The following BICD1 variants were observed in gnomAD, a reference collection of about 807,000 sequenced individuals.
BICD1 encodes the protein protein bicaudal D homolog 1.
In BICD1, 35 loss-of-function variants were observed where a neutral mutation model predicts 92.5. The observed-to-expected ratio is 0.38, with a 90% confidence interval of 0.29 to 0.50. The LOEUF is 0.50. Among genes scored for constraint, BICD1 ranks in the 20% least tolerant of loss-of-function variants. BICD1 has a pLI of 0.93. For missense variants in BICD1, 950 were observed against 1,189.8 expected, an observed-to-expected ratio of 0.80 and a Z score of 2.97; for synonymous variants, 429 against 465.1, an observed-to-expected ratio of 0.92 and a Z score of 1.00.
chr12:32,153,865 A>G (rs1943362142), intron 1 of BICD1, among the ~76,000 whole-genome samples: 1 of 151,510 alleles, frequency 6.6e-6, no homozygotes, highest in Non-Finnish European at 1.5e-5. Context: ...CATCATGTAT[A>G]TATGATGTTT....
At position 32,361,372 on chromosome 12, in the gene BICD1, GT is replaced by G. The variant is rs1565696525; in HGVS notation, c.2765-6297del. ...GGAGTTCGAGACCAGCCTGGCCATG[GT>G]GAAACCCCATCTCCACCAAACATAC... On this transcript the variant is annotated intron_variant, in intron 8 of 9. Transcript: ENST00000652176. Among the ~76,000 whole-genome samples, 21 of 151,968 alleles carry G rather than the reference GT, an allele frequency of 1.4e-4. No homozygotes were observed. The South Asian group carries it at 4.4e-3, about 32-fold the overall frequency.
chr12:32,117,005 G>A (rs1056903241), intron 1 of BICD1, among the ~76,000 whole-genome samples: 10 of 151,882 alleles, frequency 6.6e-5, no homozygotes, highest in South Asian at 2.1e-4. Flanking sequence ...GATATGTTAC[G>A]TTTGTTTTCA....
chr12:32,193,536 G>C (rs1466684666), intron 1 of BICD1, among the ~76,000 whole-genome samples: 2 of 152,094 alleles, frequency 1.3e-5, no homozygotes, highest in Non-Finnish European at 2.9e-5. Flanking sequence ...CTGTATTATA[G>C]CTAATACCAA....
chr12:32,274,756 G>C (rs1947233789), intron 2 of BICD1, among the ~76,000 whole-genome samples: 1 of 152,154 alleles, frequency 6.6e-6, no homozygotes, highest in African/African-American at 2.4e-5. Context: ...AAGTAGCAAA[G>C]CATAGTGGTT....
chr12:32,230,749 G>A (rs1240445519), intron 2 of BICD1, among the ~76,000 whole-genome samples: 1 of 152,190 alleles, frequency 6.6e-6, no homozygotes, highest in Non-Finnish European at 1.5e-5. Flanking sequence ...AGCAAAAGGG[G>A]CATCTGTCTC....
intron 2 of BICD1, among the ~76,000 whole-genome samples, chr12:32,241,125 T>G (rs1946224798): frequency 6.6e-6 from 1 of 152,200 alleles, no homozygotes; most frequent in African/African-American, 2.4e-5. Context: ...ATGCTTTCGA[T>G]GTGTACGTGC....
chr12:32,362,632 T>G (rs1191996466), intron 8 of BICD1, among the ~76,000 whole-genome samples: 1 of 152,170 alleles, frequency 6.6e-6, no homozygotes, highest in East Asian at 1.9e-4. Context: ...ACCCTGATAT[T>G]TTCTAGAGGT....
At position 32,131,515 on chromosome 12, in the gene BICD1, C is replaced by T. The variant is rs552652471; in HGVS notation, c.213+23971C>T. ...AATACTGTGTTCATAAAAAGCCCTC[C>T]TTCACATTTTGTGAAACAGTTGCAT... On this transcript the variant is annotated intron_variant, in intron 1 of 9. Coordinates refer to ENST00000652176, the MANE Select transcript of BICD1 (RefSeq NM_001714.4). Among the ~76,000 whole-genome samples the T allele has an allele frequency of 2.0e-5, 3 of 152,316 alleles. No individual in the cohort carries two copies. In the South Asian group the frequency reaches 6.2e-4, roughly 32 times the overall value.
At position 32,328,125 on chromosome 12, in the gene BICD1, G is replaced by C. The variant is rs1948834750; in HGVS notation, c.1670G>C (p.Gly557Ala). The change falls in exon 5 of 10, where the codon GGA becomes GCA. Residue 557 changes from glycine to alanine, a missense_variant. Physicochemically the swap from Gly to Ala is moderately conservative, Grantham distance 60. This residue lies in a region of BICD1 where 309 missense variants were observed against 499.4 expected (regional missense o/e 0.62). Transcript: ENST00000652176. This position sits in a 1 kb window ranked among gnomAD's most constrained non-coding sequence, Gnocchi z 4.4. ...GSLKGPDDPR[G>A]LLSPRLARRG... ...CTGAAAGGGCCCGATGATCCCAGAG[G>C]ACTTTTGTCCCCACGATTAGCCAGG... The C allele has an allele frequency of 6.2e-7, 1 of 1,613,998 alleles. No homozygotes were observed. Among genetic ancestry groups the C allele is most frequent in the Non-Finnish European group, 8.5e-7 (1 of 1,180,020 alleles).
At chr12:32,128,889 C>T (rs1942436924) in intron 1 of BICD1, among the ~76,000 whole-genome samples, 2 of 152,110 alleles carry the variant, frequency 1.3e-5, no homozygotes, top group Non-Finnish European at 2.9e-5. Flanking sequence ...CCTCCCACAT[C>T]AGCCATACAA....
intron 1 of BICD1, among the ~76,000 whole-genome samples, chr12:32,194,991 T>C (rs1042577026): frequency 1.3e-5 from 2 of 150,430 alleles, no homozygotes; most frequent in African/African-American, 4.9e-5. Flanking sequence ...TGAAAGAAAT[T>C]GAAGGCTGGG....
At chr12:32,131,941 C>T (rs2121304724) in intron 1 of BICD1, among the ~76,000 whole-genome samples, 1 of 152,294 alleles carries the variant, frequency 6.6e-6, no homozygotes, top group East Asian at 1.9e-4. Flanking sequence ...GGAGGAATAA[C>T]AAGACTGGCG....
chr12:32,282,252 A>G (rs1271273936), intron 2 of BICD1, among the ~76,000 whole-genome samples: 1 of 113,634 alleles, frequency 8.8e-6, no homozygotes. Flanking sequence ...ACAGGGTCTC[A>G]CTCTGTTGCC....
At chr12:32,217,932 T>C (rs760396604) in intron 2 of BICD1, among the ~76,000 whole-genome samples, 1 of 152,192 alleles carries the variant, frequency 6.6e-6, no homozygotes, top group African/African-American at 2.4e-5. Flanking sequence ...GGATGTGGCA[T>C]GGGCAACGTG....
At position 32,196,917 on chromosome 12, in the gene BICD1, A is replaced by T. The variant is rs562672435; in HGVS notation, c.214-19330A>T. 2.2e-4 allele frequency among the ~76,000 whole-genome samples: 34 copies of T among 152,338 alleles called. No individual in the cohort carries two copies. In the South Asian group the frequency reaches 6.6e-3, roughly 30 times the overall value. ...TATGTACAACTTTTCTTTGTTAAAT[A>T]AGTACTTTAAAATTTTACAAAAGAC... is the stretch of plus-strand genomic sequence containing the variant. On this transcript the variant is annotated intron_variant, in intron 1 of 9. Transcript: ENST00000652176.
intron 3 of BICD1, among the ~76,000 whole-genome samples, chr12:32,304,677 G>C (rs1948163879): frequency 6.6e-6 from 1 of 152,170 alleles, no homozygotes; most frequent in South Asian, 2.1e-4. Context: ...CCAAGAGATT[G>C]TTTGAGGAGG....
rs1378651339 is a variant in BICD1 at position 32,334,379 on chromosome 12, C to G, written c.2101-137C>G. 4.4e-6 allele frequency: 4 copies of G among 912,970 alleles called. No individual in the cohort carries two copies. The East Asian group carries it at 1.2e-4, about 26-fold the overall frequency. The allele number at this position is 912,970 out of a possible 1,614,324, so 56.6% of individuals were successfully genotyped here. On this transcript the variant is annotated intron_variant, in intron 5 of 9. Coordinates refer to ENST00000652176, the MANE Select transcript of BICD1 (RefSeq NM_001714.4). ...AACTTCCCTGTGTCCAAAGCGCATACCTATGTTTATATAAAATGTAACCAA... is the reference window on the plus strand; with the variant it reads ...AACTTCCCTGTGTCCAAAGCGCATAGCTATGTTTATATAAAATGTAACCAA...
intron 1 of BICD1, among the ~76,000 whole-genome samples, chr12:32,148,690 A>G (rs1151012): frequency 0.14 from 20,916 of 152,102 alleles, 1,668 homozygotes; most frequent in East Asian, 0.22. Flanking sequence ...TCCACTGGGA[A>G]CTTTTACAGG....
chr12:32,145,861 A>G (rs1943085426), intron 1 of BICD1, among the ~76,000 whole-genome samples: 1 of 152,234 alleles, frequency 6.6e-6, no homozygotes, highest in Non-Finnish European at 1.5e-5. Context: ...AATAATTCAT[A>G]TAATGTTTGT....
Sources: gnomAD v4.1 joint callset for allele counts (sites outside exome capture counted in the v4.1 genomes callset) on GRCh38, gnomAD v4.1.1 for gene constraint, gnomAD v4.1.1 regional missense constraint, Gnocchi (gnomAD v3.1) non-coding constraint, MANE v1.5 for transcripts, NCBI Gene and HGNC (gene_info 2026-07-23, HGNC 2026-07-21) for gene names.